ZFP90: variants seen among roughly 807,000 people sequenced by gnomAD.
The protein encoded by ZFP90 is zinc finger protein 90 homolog.
Under a neutral mutation model 60.8 loss-of-function variants are expected in ZFP90, and 38 were observed. The observed-to-expected ratio is 0.62, with a 90% CI of 0.48 to 0.82. ZFP90 has a LOEUF of 0.82. Ranked by LOEUF, ZFP90 falls within the 40% of genes least tolerant of loss-of-function variation. The probability of loss-of-function intolerance (pLI) is 0.00; values close to 1 mark genes in which losing one functional copy is unlikely to be tolerated. For missense variants in ZFP90, 711 were observed against 759.1 expected (o/e 0.94, Z 0.74); for synonymous variants, 287 against 264.8 (o/e 1.08, Z -0.82).
chr16:68,569,496 C>T (rs1007607544), downstream of ZFP90, among the ~76,000 whole-genome samples: 4 of 152,150 alleles, frequency 2.6e-5, no homozygotes, highest in Non-Finnish European at 5.9e-5. Context: ...CAGTCATTGT[C>T]CCACTCTTTT....
In ZFP90 at chr16:68,540,713, TGTAA is replaced by T. The variant is rs1023861265; in HGVS notation, c.33+891_33+894del. Reference sequence around the variant, plus strand: ...GTTGCCAGGTACAGTGGGTCACACCTGTAAGTCCAGCACTTTGGGAAGCTGAGGC... The same window carrying T: ...GTTGCCAGGTACAGTGGGTCACACCTGTCCAGCACTTTGGGAAGCTGAGGC... On this transcript the variant is annotated intron_variant, in intron 2 of 4. Coordinates refer to ENST00000563169, the MANE Select transcript of ZFP90 (RefSeq NM_001305203.2). Among the ~76,000 whole-genome samples, 102 of 148,466 alleles carry T rather than the reference TGTAA, an allele frequency of 6.9e-4. 1 individual carries two copies. The highest frequency in any genetic ancestry group is 6.9e-3 in the Middle Eastern group (2 of 288).
chr16:68,572,214 A>G (rs944028415), intron 2 of ZFP90, among the ~76,000 whole-genome samples: 2 of 151,918 alleles, frequency 1.3e-5, no homozygotes, highest in Admixed American at 1.3e-4. Context: ...TAGCAGACAC[A>G]CTAAAAGACA....
chr16:68,573,398 A>C (rs540614088), intron 2 of ZFP90, among the ~76,000 whole-genome samples: 1 of 152,336 alleles, frequency 6.6e-6, no homozygotes, highest in Non-Finnish European at 1.5e-5. Flanking sequence ...AGGAGGCTTG[A>C]GGCCAGCAGG....
chr16:68,554,330 A>T (rs1376434209), intron 2 of ZFP90, among the ~76,000 whole-genome samples: 1 of 151,670 alleles, frequency 6.6e-6, no homozygotes, highest in Non-Finnish European at 1.5e-5. Flanking sequence ...CCGCTTTCCC[A>T]AAGAGTTTGC....
At chr16:68,573,808 C>T (rs931100464) in intron 2 of ZFP90, 9 of 152,262 alleles carry the variant, frequency 5.9e-5, no homozygotes, top group South Asian at 2.1e-4. Flanking sequence ...ACCTCCTGAA[C>T]GCAGGGACAT....
At chr16:68,536,140 T>C (rs2090959063), upstream of ZFP90, among the ~76,000 whole-genome samples, 1 of 152,208 alleles carries the variant, frequency 6.6e-6, no homozygotes. Flanking sequence ...CAAACAGCGT[T>C]GTTCTCTTTC....
chr16:68,546,600 C>G (rs985821512), intron 2 of ZFP90, among the ~76,000 whole-genome samples: 1 of 152,218 alleles, frequency 6.6e-6, no homozygotes, highest in Non-Finnish European at 1.5e-5. Flanking sequence ...ACTGCATCCT[C>G]AGCCTCCTGG....
intron 2 of ZFP90, among the ~76,000 whole-genome samples, chr16:68,540,122 C>G (rs1233798766): frequency 6.6e-6 from 1 of 152,062 alleles, no homozygotes; most frequent in Admixed American, 6.6e-5. Context: ...TTTTTGAACT[C>G]TTGTCAATAA....
In ZFP90 at chr16:68,557,143, A is replaced by G. The variant is rs187140032; in HGVS notation, c.34-855A>G. 1.9e-4 allele frequency: 88 copies of G among 453,222 alleles called. No individual in the cohort carries two copies. In the East Asian group the frequency reaches 5.5e-3, roughly 28 times the overall value. The allele number at this position is 453,222 out of a possible 1,614,324, so 28.1% of individuals were successfully genotyped here. A position where few individuals can be genotyped will look rare whatever the true frequency, so the allele number is the denominator to read the frequency against. Reference sequence around the variant, plus strand: ...GCTGGGACTGTAGGCACACACCACCATGCCAGGCTAATTTTTTGATCTTTT... The same window carrying G: ...GCTGGGACTGTAGGCACACACCACCGTGCCAGGCTAATTTTTTGATCTTTT... On this transcript the variant is annotated intron_variant, in intron 2 of 4. Transcript: ENST00000563169.
upstream of ZFP90, chr16:68,535,631 AT>A (rs1271393526): frequency 6.6e-6 from 1 of 152,146 alleles, no homozygotes; most frequent in Non-Finnish European, 1.5e-5. Context: ...GGCATTGGCA[AT>A]TTAATTTTTG....
chr16:68,553,571 C>T (rs1057019088), intron 2 of ZFP90, among the ~76,000 whole-genome samples: 9 of 152,042 alleles, frequency 5.9e-5, no homozygotes, highest in Non-Finnish European at 1.3e-4. Flanking sequence ...TGAATCGGTG[C>T]CATTGGAGGC....
At position 68,564,013 on chromosome 16, in the gene ZFP90, T is replaced by C. The variant is rs1169440967; in HGVS notation, c.1226T>C (p.Leu409Pro). The change falls in exon 5 of 5, where the codon CTT (leucine) becomes CCT (proline). Residue 409 changes from leucine to proline, a missense_variant. Physicochemically the swap from Leu to Pro is moderately conservative, Grantham distance 98. Coordinates refer to ENST00000563169, the MANE Select transcript of ZFP90 (RefSeq NM_001305203.2). ...CGRAFGQSPS[L>P]YKHMRIHKRG... is the part of the protein sequence containing the mutation. Reference sequence around the variant, plus strand: ...AGGGCTTTTGGTCAGAGCCCATCCCTTTATAAACATATGAGGATTCATAAG... The same window carrying C: ...AGGGCTTTTGGTCAGAGCCCATCCCCTTATAAACATATGAGGATTCATAAG... 1 of 1,613,982 alleles carries C rather than the reference T, an allele frequency of 6.2e-7. No homozygotes were observed. Among genetic ancestry groups the C allele is most frequent in the Admixed American group, 1.7e-5 (1 of 60,008 alleles).
intron 2 of ZFP90, among the ~76,000 whole-genome samples, chr16:68,540,686 A>G (rs1213951305): frequency 6.6e-6 from 1 of 151,894 alleles, no homozygotes; most frequent in African/African-American, 2.4e-5. Context: ...TAAAAATACC[A>G]AGTTGCCAGG....
In ZFP90 at chr16:68,564,507, A is replaced by G. The variant is rs1306799171; in HGVS notation, c.1720A>G (p.Thr574Ala). The G allele has an allele frequency of 1.9e-6, 3 of 1,613,976 alleles. No homozygotes were observed. Among genetic ancestry groups the G allele is most frequent in the African/African-American group, 2.7e-5 (2 of 74,932 alleles). ...QSSSLIQHER[T>A]HTGEKPYECN... ...TTCATCTCTCATTCAGCATGAGAGA[A>G]CTCATACTGGAGAGAAGCCCTATGA... is the stretch of plus-strand genomic sequence containing the variant. The change falls in exon 5 of 5, where the codon ACT (threonine) becomes GCT (alanine). Residue 574 changes from threonine (T) to alanine (A), a missense_variant. Around this residue, in one of 5 missense-constraint regions of ZFP90, gnomAD observed 295 missense variants for 274.0 expected, o/e 1.08. Coordinates refer to ENST00000563169, the MANE Select transcript of ZFP90 (RefSeq NM_001305203.2).
Position 68,566,082 on chromosome 16 carries a change from G to C in ZFP90, c.*1384G>C. The C allele has an allele frequency of 2.1e-6, 2 of 973,300 alleles. No homozygotes were observed. The highest frequency in any genetic ancestry group is 2.4e-6 in the Non-Finnish European group (2 of 818,848). The allele number at this position is 973,300 out of a possible 1,614,324, so 60.3% of individuals were successfully genotyped here. ...CCGGGAGCAGAGACTGCAGTGAGCT[G>C]AGATCACACTACTGCATTCCAGCCT... On this transcript the variant is annotated 3_prime_UTR_variant, in exon 5 of 5. Transcript: ENST00000563169.
chr16:68,533,542 A>G (rs957380285), intron 1 of ZFP90, among the ~76,000 whole-genome samples: 1 of 152,210 alleles, frequency 6.6e-6, no homozygotes. Flanking sequence ...TCCATTTGAA[A>G]GACACCCAAC....
At position 68,563,182 on chromosome 16, in the gene ZFP90, A is replaced by G; in HGVS notation, c.395A>G (p.Glu132Gly). 15 of 1,614,190 alleles carry G rather than the reference A, an allele frequency of 9.3e-6. No homozygotes were observed. The highest frequency in any genetic ancestry group is 1.2e-5 in the Non-Finnish European group (14 of 1,180,014). The change falls in exon 5 of 5, where the codon GAA (glutamate) becomes GGA (glycine). Residue 132 changes from glutamate to glycine, a missense_variant. Around this residue, in one of 5 missense-constraint regions of ZFP90, gnomAD observed 241 missense variants for 247.6 expected, o/e 0.97. Coordinates refer to ENST00000563169, the MANE Select transcript of ZFP90 (RefSeq NM_001305203.2). ...DVSSQLDRQQENWKRHLGSEA... is the reference protein window; with the variant it reads ...DVSSQLDRQQGNWKRHLGSEA... ...AGCAGCCAGTTAGACAGGCAACAGG[A>G]AAACTGGAAGAGACATCTGGGATCA...
rs771828637 is a variant in ZFP90, at chr16:68,564,732, T to C, written c.*34T>C. On this transcript the variant is annotated 3_prime_UTR_variant, in exon 5 of 5. Transcript: ENST00000563169. Reference sequence around the variant, plus strand: ...AAATTAAGGAATTTGCAGAATGCTTTAGCTAAAATGTTCTGATTCAGGATC... The same window carrying C: ...AAATTAAGGAATTTGCAGAATGCTTCAGCTAAAATGTTCTGATTCAGGATC... 10 of 1,562,726 alleles carry C rather than the reference T, an allele frequency of 6.4e-6. No individual in the cohort carries two copies. Among genetic ancestry groups the C allele is most frequent in the Middle Eastern group, 1.7e-4 (1 of 5,802 alleles).
intron 2 of ZFP90, chr16:68,554,953 T>C (rs915099101): frequency 6.6e-6 from 1 of 152,154 alleles, no homozygotes; most frequent in Non-Finnish European, 1.5e-5. Flanking sequence ...TCACCACTTA[T>C]CTCAAAATGG....
Sources: allele counts gnomAD v4.1 joint callset (sites outside exome capture counted in the v4.1 genomes callset), GRCh38; gene constraint gnomAD v4.1.1; regional missense constraint gnomAD v4.1.1; transcripts MANE v1.5; gene names NCBI Gene and HGNC (gene_info 2026-07-23, HGNC 2026-07-21).